The following ARHGAP17 variants were observed in gnomAD, a reference collection of about 807,000 sequenced individuals.
The protein encoded by ARHGAP17 is Rho GTPase activating protein 17.
ARHGAP17 carries 57 observed loss-of-function variants against 99.5 expected under a neutral mutation model. That is an observed-to-expected ratio of 0.57 (90% CI 0.46 to 0.71). ARHGAP17 has a LOEUF of 0.71. Among genes scored for constraint, ARHGAP17 ranks in the 30% least tolerant of loss-of-function variants. The pLI, the probability that ARHGAP17 is intolerant of heterozygous loss-of-function variation, is 0.00. For missense variants in ARHGAP17, 1,000 were observed against 1,122.4 expected (o/e 0.89, Z 1.56); for synonymous variants, 417 against 429.6 (o/e 0.97, Z 0.36).
intron 1 of ARHGAP17, among the ~76,000 whole-genome samples, chr16:24,988,750 C>T (rs1018549930): frequency 6.6e-6 from 1 of 152,172 alleles, no homozygotes; most frequent in Non-Finnish European, 1.5e-5. Flanking sequence ...TTTGCTATCC[C>T]TGCTCTAACC....
chr16:25,013,774 G>A (rs552248719), intron 1 of ARHGAP17: 13 of 152,258 alleles, frequency 8.5e-5, no homozygotes, highest in African/African-American at 2.9e-4. Flanking sequence ...CAAGCCAAAC[G>A]ACTATTTGAC....
At chr16:25,007,698 C>G (rs1188702399) in intron 1 of ARHGAP17, among the ~76,000 whole-genome samples, 2 of 152,216 alleles carry the variant, frequency 1.3e-5, no homozygotes, top group African/African-American at 4.8e-5. Flanking sequence ...AAGCATTAGT[C>G]TCTAAACTAC....
At chr16:24,940,331 G>A (rs948617384) in intron 16 of ARHGAP17, among the ~76,000 whole-genome samples, 1 of 152,124 alleles carries the variant, frequency 6.6e-6, no homozygotes, top group African/African-American at 2.4e-5. Context: ...ACACCACACT[G>A]CCTCTTAACT....
chr16:24,973,711 C>T (rs1245760438), intron 3 of ARHGAP17, among the ~76,000 whole-genome samples: 2 of 152,164 alleles, frequency 1.3e-5, no homozygotes, highest in African/African-American at 4.8e-5. Context: ...TTTTATTGAG[C>T]ATCTTGTTTT....
At chr16:24,973,011 T>C (rs1032284058) in intron 3 of ARHGAP17, among the ~76,000 whole-genome samples, 5 of 151,970 alleles carry the variant, frequency 3.3e-5, no homozygotes, top group Admixed American at 3.3e-4. Flanking sequence ...CTCAGCTCAC[T>C]GCAACCCACT....
At chr16:24,984,663 A>G (rs908085161) in intron 1 of ARHGAP17, among the ~76,000 whole-genome samples, 14 of 146,856 alleles carry the variant, frequency 9.5e-5, no homozygotes, top group Non-Finnish European at 1.6e-4. Context: ...CTCCGTCTCA[A>G]AAAAAAAAAA....
chr16:24,927,723 G>T, intron 19 of ARHGAP17: 1 of 1,206,846 alleles, frequency 8.3e-7, no homozygotes, highest in Middle Eastern at 2.3e-4. Flanking sequence ...GAATATGGCA[G>T]GTCATACATC....
chr16:25,009,364 CAAAAA>C (rs113928999), intron 1 of ARHGAP17, among the ~76,000 whole-genome samples: 3 of 117,868 alleles, frequency 2.5e-5, no homozygotes, highest in African/African-American at 8.4e-5. Context: ...GAGACTCCGT[CAAAAA>C]AAAAAAAAAA....
chr16:25,002,598 C>T (rs551106376), intron 1 of ARHGAP17, among the ~76,000 whole-genome samples: 14 of 152,302 alleles, frequency 9.2e-5, no homozygotes, highest in African/African-American at 1.7e-4. Context: ...CCACAGATGA[C>T]GACAGAAGCC....
At chr16:24,952,034 T>A (rs1261008794) in intron 12 of ARHGAP17, among the ~76,000 whole-genome samples, 1 of 152,212 alleles carries the variant, frequency 6.6e-6, no homozygotes, top group Non-Finnish European at 1.5e-5. Flanking sequence ...AATCCATTAA[T>A]GTGGGTACCA....
At chr16:24,924,407 CA>C (rs1488116507) in intron 19 of ARHGAP17, among the ~76,000 whole-genome samples, 1 of 146,854 alleles carries the variant, frequency 6.8e-6, no homozygotes, top group Admixed American at 6.8e-5. Flanking sequence ...AAAAATCAGA[CA>C]AAAAAGAAAC....
intron 1 of ARHGAP17, among the ~76,000 whole-genome samples, chr16:24,993,699 T>C (rs2141441276): frequency 6.6e-6 from 1 of 152,148 alleles, no homozygotes; most frequent in Non-Finnish European, 1.5e-5. Context: ...AATTACACAA[T>C]GTGAACCAGT....
chr16:24,923,981 C>G (rs1248753060), intron 19 of ARHGAP17, among the ~76,000 whole-genome samples: 1 of 152,144 alleles, frequency 6.6e-6, no homozygotes, highest in Non-Finnish European at 1.5e-5. Context: ...TATGTGCTTT[C>G]TCGGTTGTGA....
chr16:24,953,961 T>C (rs1437684288), intron 10 of ARHGAP17, among the ~76,000 whole-genome samples: 2 of 152,062 alleles, frequency 1.3e-5, no homozygotes, highest in Admixed American at 6.6e-5. Flanking sequence ...GGTTTAGTCA[T>C]GCAAGCACAT....
intron 1 of ARHGAP17, among the ~76,000 whole-genome samples, chr16:25,011,255 G>A (rs1360251430): frequency 2.6e-5 from 4 of 152,080 alleles, no homozygotes; most frequent in East Asian, 1.9e-4. Flanking sequence ...GTTTGGGTGC[G>A]CTGACTCCAG....
At chr16:24,948,562 G>A (rs2051540722) in intron 13 of ARHGAP17, among the ~76,000 whole-genome samples, 1 of 152,084 alleles carries the variant, frequency 6.6e-6, no homozygotes, top group African/African-American at 2.4e-5. Flanking sequence ...AAGAAGTACT[G>A]AGCTCTCACC....
intron 3 of ARHGAP17, among the ~76,000 whole-genome samples, chr16:24,973,876 G>A (rs2052439383): frequency 6.6e-6 from 1 of 152,202 alleles, no homozygotes; most frequent in Non-Finnish European, 1.5e-5. Context: ...AAGACAACAG[G>A]AACTAGATAG....
chr16:24,940,560 G>A (rs921206094), intron 16 of ARHGAP17, among the ~76,000 whole-genome samples: 4 of 152,130 alleles, frequency 2.6e-5, no homozygotes, highest in Admixed American at 6.5e-5. Flanking sequence ...AATTAGCTGC[G>A]TGAGGTGGTG....
chr16:24,983,531 C>A (rs904271197), intron 1 of ARHGAP17, among the ~76,000 whole-genome samples: 1 of 152,116 alleles, frequency 6.6e-6, no homozygotes, highest in Non-Finnish European at 1.5e-5. Context: ...TCTCAAACTC[C>A]TGAGCTCAAG....
Sources: gnomAD v4.1 joint callset for allele counts (sites outside exome capture counted in the v4.1 genomes callset) on GRCh38, gnomAD v4.1.1 for gene constraint, MANE v1.5 for transcripts, NCBI Gene and HGNC (gene_info 2026-07-23, HGNC 2026-07-21) for gene names.